The following KANK1 variants were observed in gnomAD, a reference collection of about 807,000 sequenced individuals.
The protein encoded by KANK1 is KN motif and ankyrin repeat domain-containing protein 1.
In KANK1, 109 loss-of-function variants were observed where a neutral mutation model predicts 106.2. That is an observed-to-expected ratio of 1.03 (90% confidence interval 0.88 to 1.20). KANK1 has a LOEUF of 1.20. Among genes scored for constraint, KANK1 ranks in the 50% most tolerant of loss-of-function variants. The probability of loss-of-function intolerance (pLI) is 0.00; values close to 1 mark genes in which losing one functional copy is unlikely to be tolerated. For missense variants in KANK1, 2,399 were observed against 1,710.7 expected (o/e 1.40, Z -7.10); for synonymous variants, 873 against 652.2 (o/e 1.34, Z -5.16).
rs558954616 is a variant in KANK1 at position 678,856 on chromosome 9, C to T, written c.37+1847C>T. 4.2e-4 allele frequency among the ~76,000 whole-genome samples: 64 copies of T among 152,274 alleles called. No individual in the cohort carries two copies. In the East Asian group the frequency reaches 0.012, roughly 28 times the overall value. On this transcript the variant is annotated intron_variant, in intron 2 of 11. Transcript: ENST00000382297. Reference sequence around the variant, plus strand: ...ATTCCCTCTGATGATGTGGTTTCCTCCCTTGCCCTCCATTTGCTTCCATTC... The same window carrying T: ...ATTCCCTCTGATGATGTGGTTTCCTTCCTTGCCCTCCATTTGCTTCCATTC...
intron 1 of KANK1, among the ~76,000 whole-genome samples, chr9:545,710 G>C (rs1447645977): frequency 6.8e-6 from 1 of 147,128 alleles, no homozygotes; most frequent in Non-Finnish European, 1.5e-5. Context: ...CAGTACTGTT[G>C]GCCTGTACAG....
intron 1 of KANK1, among the ~76,000 whole-genome samples, chr9:663,790 C>G (rs1843922677): frequency 6.6e-6 from 1 of 152,154 alleles, no homozygotes; most frequent in Non-Finnish European, 1.5e-5. Context: ...ATGGTTTTAA[C>G]CTGTTCCTTG....
At chr9:520,995 A>G (rs1035649002) in intron 1 of KANK1, among the ~76,000 whole-genome samples, 3 of 151,814 alleles carry the variant, frequency 2.0e-5, no homozygotes, top group African/African-American at 7.3e-5. Flanking sequence ...AGAAGGGTAG[A>G]GATGGGGCCT....
chr9:575,998 A>G (rs1479641725), intron 1 of KANK1, among the ~76,000 whole-genome samples: 4 of 152,232 alleles, frequency 2.6e-5, no homozygotes, highest in Admixed American at 1.3e-4. Context: ...ACTCCAGCGT[A>G]GGCAACAGAG....
intron 1 of KANK1, among the ~76,000 whole-genome samples, chr9:671,193 A>G (rs1246781600): frequency 6.7e-6 from 1 of 148,952 alleles, no homozygotes; most frequent in Non-Finnish European, 1.5e-5. Context: ...TGAAATTCCT[A>G]CCATTGCATT....
intron 2 of KANK1, chr9:693,463 A>G (rs914856341): frequency 1.0e-6 from 1 of 985,292 alleles, no homozygotes; most frequent in Admixed American, 6.1e-5. Flanking sequence ...TCAGCATTTC[A>G]TATGCCTGAA....
intron 1 of KANK1, among the ~76,000 whole-genome samples, chr9:634,325 C>T (rs1836540278): frequency 6.6e-6 from 1 of 152,138 alleles, no homozygotes; most frequent in Non-Finnish European, 1.5e-5. Context: ...CTCACCTGCA[C>T]TGAGTCCATC....
chr9:735,555 T>C (rs1833564955), intron 7 of KANK1, among the ~76,000 whole-genome samples: 1 of 152,236 alleles, frequency 6.6e-6, no homozygotes, highest in Non-Finnish European at 1.5e-5. Context: ...TTTTTATTAG[T>C]GCATTGAGAA....
intron 2 of KANK1, among the ~76,000 whole-genome samples, chr9:701,396 G>A (rs1156797225): frequency 6.1e-4 from 93 of 152,140 alleles, no homozygotes; most frequent in Non-Finnish European, 1.2e-4. Flanking sequence ...GAGCCTCCGC[G>A]CCCAATGGAA....
At chr9:500,754 G>C (rs2058536282), upstream of KANK1, among the ~76,000 whole-genome samples, 1 of 152,328 alleles carries the variant, frequency 6.6e-6, no homozygotes, top group African/African-American at 2.4e-5. Flanking sequence ...ATCTTTCACA[G>C]AGGAGCCAAG....
rs1357616207 is a variant in KANK1, at chr9:483,495, T to A, written c.-362+10222T>A. Among the ~76,000 whole-genome samples the A allele has an allele frequency of 5.3e-5, 8 of 152,316 alleles. 1 individual carries two copies. Among genetic ancestry groups the A allele is most frequent in the African/African-American group, 1.9e-4 (8 of 41,558 alleles). On this transcript the variant is annotated intron_variant, in intron 3 of 15. Coordinates refer to the KANK1 transcript ENST00000382303. Reference sequence around the variant, plus strand: ...GCTTGGGGTCTGATTTCTGTTACCATAGGCCAGCTATGACACACCTATGAG... The same window carrying A: ...GCTTGGGGTCTGATTTCTGTTACCAAAGGCCAGCTATGACACACCTATGAG...
chr9:518,482 C>G (rs547057715), intron 1 of KANK1, among the ~76,000 whole-genome samples: 1 of 151,704 alleles, frequency 6.6e-6, no homozygotes, highest in African/African-American at 2.4e-5. Flanking sequence ...GGATCTGATT[C>G]GATGTAGGGG....
chr9:634,936 A>G (rs1282215618), intron 1 of KANK1, among the ~76,000 whole-genome samples: 1 of 152,242 alleles, frequency 6.6e-6, no homozygotes, highest in Non-Finnish European at 1.5e-5. Context: ...AAATGGCTAC[A>G]GAAGTGCCAG....
chr9:651,643 G>T (rs1376945704), intron 1 of KANK1, among the ~76,000 whole-genome samples: 1 of 152,224 alleles, frequency 6.6e-6, no homozygotes, highest in African/African-American at 2.4e-5. Flanking sequence ...TAGGACAGAA[G>T]TCTGGAGTTC....
intron 3 of KANK1, among the ~76,000 whole-genome samples, chr9:727,543 T>G (rs1831021944): frequency 6.6e-6 from 1 of 152,142 alleles, no homozygotes; most frequent in Admixed American, 6.5e-5. Flanking sequence ...CTCAAACTCC[T>G]GACCTCAAGT....
rs79437342 is a variant in KANK1, at chr9:671,623, A to AAAAAAGAAG, written c.-83-5263_-83-5262insAGAAGAAAA. Among the ~76,000 whole-genome samples, 13 of 103,636 alleles carry AAAAAAGAAG rather than the reference A, an allele frequency of 1.3e-4. 2 individuals are homozygous for AAAAAAGAAG. The highest frequency in any genetic ancestry group is 4.7e-4 in the Admixed American group (4 of 8,452). The allele number at this position is 103,636 out of a possible 152,430, so 68.0% of individuals were successfully genotyped here. On this transcript the variant is annotated intron_variant, in intron 1 of 11. Coordinates refer to ENST00000382297, the MANE Select transcript of KANK1 (RefSeq NM_015158.5). ...AGAGCGAAACTCCGTCTCAAAAAAA[A>AAAAAAGAAG]AAAAGAGTGTACTGGTTAAGTACTG... is the stretch of plus-strand genomic sequence containing the variant.
At chr9:717,008 G>A (rs147562037) in intron 3 of KANK1, among the ~76,000 whole-genome samples, 36 of 151,856 alleles carry the variant, frequency 2.4e-4, no homozygotes, top group African/African-American at 8.4e-4. Context: ...GGGGGAGATT[G>A]TGCACGGTGG....
intron 2 of KANK1, among the ~76,000 whole-genome samples, chr9:696,242 C>G (rs1179116373): frequency 1.3e-5 from 2 of 151,770 alleles, no homozygotes; most frequent in Non-Finnish European, 2.9e-5. Flanking sequence ...CGAGATCACG[C>G]CACTGCACTC....
chr9:660,451 T>G (rs539571031), intron 1 of KANK1: 79 of 154,752 alleles, frequency 5.1e-4, no homozygotes, highest in Non-Finnish European at 1.0e-3. Context: ...TGGTCTGCTT[T>G]TAACTTGACC....
Sources: gnomAD v4.1 joint callset for allele counts (sites outside exome capture counted in the v4.1 genomes callset) on GRCh38, gnomAD v4.1.1 for gene constraint, MANE v1.5 for transcripts, NCBI Gene and HGNC (gene_info 2026-07-23, HGNC 2026-07-21) for gene names.